FBXO16: variants seen among roughly 807,000 people sequenced by gnomAD.
The protein encoded by FBXO16 is F-box only protein 16.
In FBXO16, 31 loss-of-function variants were observed where a neutral mutation model predicts 41.0. The ratio of observed to expected loss-of-function variants is 0.76; its 90% CI spans 0.57 to 1.02. The LOEUF is 1.02. Ranked by LOEUF, FBXO16 falls within the 50% of genes least tolerant of loss-of-function variation. The probability of loss-of-function intolerance (pLI) is 0.00; values close to 1 mark genes in which losing one functional copy is unlikely to be tolerated. For missense variants in FBXO16, 361 were observed against 346.2 expected (o/e 1.04, Z -0.34); for synonymous variants, 133 against 117.8 (o/e 1.13, Z -0.84).
At chr8:28,457,427 G>A (rs1164375199) in intron 4 of FBXO16, among the ~76,000 whole-genome samples, 1 of 152,124 alleles carries the variant, frequency 6.6e-6, no homozygotes, top group Non-Finnish European at 1.5e-5. Flanking sequence ...ACCTGAGACT[G>A]GGTAATTTAT....
chr8:28,450,187 T>C (rs1802931186), intron 6 of FBXO16, among the ~76,000 whole-genome samples: 1 of 152,118 alleles, frequency 6.6e-6, no homozygotes, highest in South Asian at 2.1e-4. Flanking sequence ...CTATTGACTT[T>C]CAACAAGGGT....
chr8:28,448,304 G>A (rs1585898745), intron 6 of FBXO16, among the ~76,000 whole-genome samples: 2 of 136,638 alleles, frequency 1.5e-5, no homozygotes, highest in South Asian at 2.2e-4. Context: ...CTGTGCTACC[G>A]CACTCTAGCC....
chr8:28,473,347 T>C (rs532068412), intron 3 of FBXO16, among the ~76,000 whole-genome samples: 1 of 152,286 alleles, frequency 6.6e-6, no homozygotes, highest in East Asian at 1.9e-4. Flanking sequence ...ACAGACTGAA[T>C]GTTTACATCA....
chr8:28,468,660 G>A lies in FBXO16; in HGVS notation c.136-4842C>T, dbSNP rs539383062. Among the ~76,000 whole-genome samples the A allele has an allele frequency of 6.6e-5, 10 of 152,000 alleles. No individual in the cohort carries two copies. The South Asian group carries it at 1.9e-3, about 28-fold the overall frequency. ...ACCAAAACCAGCTGGGCAACATTGC[G>A]AGATCCTGTTTCTTAAAATAAAAAA... On this transcript the variant is annotated intron_variant, in intron 3 of 8. Coordinates refer to ENST00000380254, the MANE Select transcript of FBXO16 (RefSeq NM_172366.4).
chr8:28,448,256 G>A (rs756654133), intron 6 of FBXO16, among the ~76,000 whole-genome samples: 10 of 149,694 alleles, frequency 6.7e-5, no homozygotes, highest in South Asian at 2.1e-4. Context: ...TGGGAGGATC[G>A]CTTGAGCCCT....
At chr8:28,457,609 C>A (rs1803059098) in intron 4 of FBXO16, among the ~76,000 whole-genome samples, 1 of 152,108 alleles carries the variant, frequency 6.6e-6, no homozygotes, top group African/African-American at 2.4e-5. Context: ...TGACTCACTA[C>A]CATGAGAACA....
intron 7 of FBXO16, among the ~76,000 whole-genome samples, chr8:28,438,509 T>C (rs908283562): frequency 3.2e-4 from 48 of 152,140 alleles, no homozygotes; most frequent in African/African-American, 1.1e-3. Context: ...CAGCCACAGC[T>C]CACCATCAGA....
At chr8:28,470,543 C>T (rs927027582) in intron 3 of FBXO16, among the ~76,000 whole-genome samples, 7 of 152,138 alleles carry the variant, frequency 4.6e-5, no homozygotes, top group African/African-American at 1.4e-4. Flanking sequence ...AAGGTCTTTA[C>T]CAAGTGAGTT....
intron 7 of FBXO16, among the ~76,000 whole-genome samples, chr8:28,444,602 C>T (rs1312530330): frequency 6.7e-6 from 1 of 150,286 alleles, no homozygotes; most frequent in Non-Finnish European, 1.5e-5. Flanking sequence ...CTCAGCCTCC[C>T]GAGTAGCTTG....
At chr8:28,458,922 C>G (rs1255003192) in intron 4 of FBXO16, among the ~76,000 whole-genome samples, 1 of 152,174 alleles carries the variant, frequency 6.6e-6, no homozygotes, top group Non-Finnish European at 1.5e-5. Context: ...CACAATTCCT[C>G]CACAACCTTC....
chr8:28,441,361 T>C (rs1272018935), intron 7 of FBXO16, among the ~76,000 whole-genome samples: 1 of 152,146 alleles, frequency 6.6e-6, no homozygotes, highest in Non-Finnish European at 1.5e-5. Context: ...GCCTCCTCTC[T>C]CCCTATGAGT....
intron 7 of FBXO16, among the ~76,000 whole-genome samples, chr8:28,432,971 G>A (rs1358989175): frequency 6.6e-6 from 1 of 151,630 alleles, no homozygotes; most frequent in African/African-American, 2.4e-5. Context: ...CGAGACAGGA[G>A]AATCACTTGA....
intron 3 of FBXO16, among the ~76,000 whole-genome samples, chr8:28,472,422 T>C (rs1339967798): frequency 6.6e-6 from 1 of 152,182 alleles, no homozygotes; most frequent in Non-Finnish European, 1.5e-5. Context: ...TTCTGTGCTC[T>C]ACTTTGTGAG....
At chr8:28,458,703 C>T (rs1803078084) in intron 4 of FBXO16, among the ~76,000 whole-genome samples, 1 of 152,028 alleles carries the variant, frequency 6.6e-6, no homozygotes, top group Admixed American at 6.6e-5. Context: ...CAGGCATGCG[C>T]CACTATGCCC....
At chr8:28,467,236 T>C (rs1001197844) in intron 3 of FBXO16, among the ~76,000 whole-genome samples, 4 of 152,116 alleles carry the variant, frequency 2.6e-5, no homozygotes, top group African/African-American at 9.7e-5. Context: ...CAAAGATAAC[T>C]CAAAATGCCT....
chr8:28,483,896 G>A (rs1426042289), intron 1 of FBXO16, among the ~76,000 whole-genome samples: 1 of 152,212 alleles, frequency 6.6e-6, no homozygotes, highest in Non-Finnish European at 1.5e-5. Context: ...AGGGAATGCG[G>A]TGGGAAGAGC....
intron 6 of FBXO16, among the ~76,000 whole-genome samples, chr8:28,450,255 G>A (rs547113293): frequency 1.1e-4 from 16 of 152,158 alleles, no homozygotes; most frequent in South Asian, 8.3e-4. Flanking sequence ...CTGGGGAAAC[G>A]GGATATCTAC....
intron 3 of FBXO16, among the ~76,000 whole-genome samples, chr8:28,468,007 G>C (rs1203643828): frequency 1.3e-5 from 2 of 152,188 alleles, no homozygotes; most frequent in Non-Finnish European, 2.9e-5. Context: ...ATGCTGAACA[G>C]TAGGGGAAAA....
At chr8:28,441,578 A>C (rs1165619965) in intron 7 of FBXO16, among the ~76,000 whole-genome samples, 1 of 152,004 alleles carries the variant, frequency 6.6e-6, no homozygotes, top group Non-Finnish European at 1.5e-5. Flanking sequence ...TCTACTAAAA[A>C]TACAAAAATT....
Sources: gnomAD v4.1 joint callset for allele counts (sites outside exome capture counted in the v4.1 genomes callset) on GRCh38, gnomAD v4.1.1 for gene constraint, MANE v1.5 for transcripts, NCBI Gene and HGNC (gene_info 2026-07-23, HGNC 2026-07-21) for gene names.